Variants in RAB38 observed in about 807,000 individuals in gnomAD.
RAB38 encodes the protein RAB38, member RAS oncogene family.
A neutral mutation model predicts 18.4 loss-of-function variants in RAB38; 15 were observed. The ratio of observed to expected loss-of-function variants is 0.82; its 90% CI spans 0.55 to 1.26. The LOEUF (loss-of-function observed/expected upper bound fraction) is 1.26. RAB38 is among the 50% of genes most tolerant of loss of function. The pLI is 0.00. For missense variants in RAB38, 294 were observed against 267.4 expected, an observed-to-expected ratio of 1.10 and a Z score of -0.69; for synonymous variants, 101 against 104.4, an observed-to-expected ratio of 0.97 and a Z score of 0.20.
the RAB38 span, among the ~76,000 whole-genome samples, chr11:87,969,461 G>A: frequency 6.6e-6 from 1 of 152,134 alleles, no homozygotes; most frequent in Non-Finnish European, 1.5e-5. Context: ...TATAATAGCT[G>A]TATTACCTAA....
the RAB38 span, among the ~76,000 whole-genome samples, chr11:87,919,200 A>C: frequency 0.91 from 138,564 of 151,974 alleles, 63,176 homozygotes; most frequent in East Asian, 0.94. Flanking sequence ...GCTCTCTATT[A>C]AATTTTATTG....
the RAB38 span, among the ~76,000 whole-genome samples, chr11:87,898,397 A>G: frequency 6.6e-6 from 1 of 151,654 alleles, no homozygotes; most frequent in African/African-American, 2.4e-5. Context: ...CTTTCCATGA[A>G]TCTTCTCAAT....
chr11:88,036,034 G>C, the RAB38 span, among the ~76,000 whole-genome samples: 1 of 152,042 alleles, frequency 6.6e-6, no homozygotes, highest in East Asian at 1.9e-4. Flanking sequence ...TTTTATAGTT[G>C]TTCTTAGTTG....
the RAB38 span, among the ~76,000 whole-genome samples, chr11:88,073,237 T>C: frequency 6.6e-6 from 1 of 152,146 alleles, no homozygotes; most frequent in Non-Finnish European, 1.5e-5. Context: ...TCTGCAGCCC[T>C]GGAAACTCTG....
chr11:87,957,121 A>G, the RAB38 span, among the ~76,000 whole-genome samples: 2 of 152,158 alleles, frequency 1.3e-5, no homozygotes, highest in East Asian at 1.9e-4. Flanking sequence ...GTGGGTGAGG[A>G]AAAATATTTA....
chr11:87,967,355 T>A, the RAB38 span, among the ~76,000 whole-genome samples: 3 of 152,202 alleles, frequency 2.0e-5, no homozygotes, highest in Admixed American at 6.6e-5. Flanking sequence ...AATCAGTTAA[T>A]GTGTGGTTTG....
At chr11:88,092,645 GA>G in the RAB38 span, among the ~76,000 whole-genome samples, 1 of 151,608 alleles carries the variant, frequency 6.6e-6, no homozygotes, top group East Asian at 2.0e-4. Flanking sequence ...CAAAATATCT[GA>G]ACCATGTCAA....
At chr11:88,032,260 C>A in the RAB38 span, among the ~76,000 whole-genome samples, 1 of 152,128 alleles carries the variant, frequency 6.6e-6, no homozygotes, top group Non-Finnish European at 1.5e-5. Context: ...AATGTTAGAC[C>A]TAAAACCATA....
chr11:88,165,950 G>A (rs1289913091), intron 1 of RAB38: 3 of 152,060 alleles, frequency 2.0e-5, no homozygotes, highest in African/African-American at 7.2e-5. Context: ...AAGAAAAGTT[G>A]TATGGGACTC....
the RAB38 span, among the ~76,000 whole-genome samples, chr11:87,835,244 C>T: frequency 6.6e-6 from 1 of 152,112 alleles, no homozygotes; most frequent in Admixed American, 6.6e-5. Context: ...CCAGCCAGAA[C>T]TATTGGATGA....
chr11:88,157,516 C>T (rs1421936053), intron 1 of RAB38, among the ~76,000 whole-genome samples: 1 of 152,176 alleles, frequency 6.6e-6, no homozygotes, highest in Middle Eastern at 3.2e-3. Context: ...CTACGGAATA[C>T]TCTACCCATC....
chr11:87,905,110 C>T, the RAB38 span, among the ~76,000 whole-genome samples: 6 of 151,598 alleles, frequency 4.0e-5, no homozygotes, highest in African/African-American at 9.7e-5. Flanking sequence ...TCTATTTCCC[C>T]GTATTCAAAG....
At chr11:88,027,731 G>A in the RAB38 span, among the ~76,000 whole-genome samples, 1 of 152,242 alleles carries the variant, frequency 6.6e-6, no homozygotes, top group African/African-American at 2.4e-5. Flanking sequence ...AGCTCCAACT[G>A]GGTGGAGCCC....
the RAB38 span, among the ~76,000 whole-genome samples, chr11:88,010,281 C>G: frequency 1.6e-5 from 2 of 123,842 alleles, no homozygotes; most frequent in Non-Finnish European, 3.5e-5. Context: ...TTTGTTCTTT[C>G]AACAGTCATT....
intron 2 of RAB38, among the ~76,000 whole-genome samples, chr11:88,141,763 T>C (rs893165615): frequency 1.1e-4 from 16 of 152,332 alleles, no homozygotes; most frequent in African/African-American, 3.8e-4. Flanking sequence ...CTTTCTGTTA[T>C]TTCTCAACTC....
the RAB38 span, among the ~76,000 whole-genome samples, chr11:88,082,858 G>A: frequency 6.6e-6 from 1 of 151,804 alleles, no homozygotes; most frequent in South Asian, 2.1e-4. Context: ...ACATAAATCA[G>A]ATTATTTAAC....
the RAB38 span, among the ~76,000 whole-genome samples, chr11:88,064,287 T>G: frequency 2.0e-5 from 3 of 152,218 alleles, no homozygotes; most frequent in Non-Finnish European, 4.4e-5. Flanking sequence ...TTCCACTTCC[T>G]CTTACTGGAC....
the RAB38 span, among the ~76,000 whole-genome samples, chr11:87,923,338 T>A: frequency 2.0e-5 from 3 of 151,974 alleles, no homozygotes; most frequent in African/African-American, 7.2e-5. Flanking sequence ...TGCCCTTTTT[T>A]TCCTACTTTT....
chr11:87,821,979 T>C, the RAB38 span, among the ~76,000 whole-genome samples: 21 of 152,158 alleles, frequency 1.4e-4, no homozygotes, highest in African/African-American at 5.1e-4. Context: ...TTGTATTTCT[T>C]AGCAGGTGAA....
Sources: allele counts gnomAD v4.1 joint callset (sites outside exome capture counted in the v4.1 genomes callset), GRCh38; gene constraint gnomAD v4.1.1; transcripts MANE v1.5; gene names NCBI Gene and HGNC (gene_info 2026-07-23, HGNC 2026-07-21).